EIF3M: variants seen among roughly 807,000 people sequenced by gnomAD.
EIF3M encodes the protein eukaryotic translation initiation factor 3 subunit M.
In EIF3M, 25 loss-of-function variants were observed where a neutral mutation model predicts 49.7. That is an observed-to-expected ratio of 0.50 (90% confidence interval 0.37 to 0.70). The LOEUF (loss-of-function observed/expected upper bound fraction) is 0.70. EIF3M is among the 30% of genes least tolerant of loss of function. The pLI is 0.00. For synonymous variants in EIF3M, 156 were observed against 149.8 expected (o/e 1.04, Z -0.30); for missense variants, 350 against 440.0 (o/e 0.80, Z 1.83).
At chr11:32,592,609 T>C (rs1388063595) in intron 5 of EIF3M, 3 of 528,390 alleles carry the variant, frequency 5.7e-6, no homozygotes, top group East Asian at 9.9e-5. Context: ...AAACCAGAGT[T>C]TGTGGAACAT....
chr11:32,599,421 T>C (rs1366620032), intron 8 of EIF3M, among the ~76,000 whole-genome samples: 1 of 152,010 alleles, frequency 6.6e-6, no homozygotes. Flanking sequence ...GCCTGTATCA[T>C]AATTACAGCT....
intron 10 of EIF3M, 21 bp from the exon 11 acceptor site, chr11:32,602,258 G>GT (rs1855281474): frequency 6.2e-7 from 1 of 1,603,018 alleles, no homozygotes; most frequent in African/African-American, 1.4e-5. Context: ...CTAACACTGT[G>GT]TTTAATTTTT....
rs200129027 is a variant in EIF3M at position 32,583,876 on chromosome 11, C to A, written c.-12C>A. The A allele has an allele frequency of 1.7e-4, 275 of 1,612,724 alleles. No homozygotes were observed. The highest frequency in any genetic ancestry group is 4.8e-4 in the Admixed American group (29 of 59,958). ...TTGCGAGTGGAGTGTCCGCTGTGCC[C>A]GGGCCTGCACCATGAGCGTCCCGGC... On this transcript the variant is annotated 5_prime_UTR_variant, in exon 1 of 11. Coordinates refer to ENST00000531120, the MANE Select transcript of EIF3M (RefSeq NM_006360.6).
chr11:32,599,683 G>T (rs1431073572), intron 8 of EIF3M, among the ~76,000 whole-genome samples: 2 of 151,906 alleles, frequency 1.3e-5, no homozygotes, highest in East Asian at 3.9e-4. Flanking sequence ...TAATTAATAA[G>T]TTAGCATCAA....
rs1277112687 is a variant in EIF3M at position 32,602,293 on chromosome 11, G to A, written c.1019G>A (p.Arg340Gln). 16 of 1,610,454 alleles carry A rather than the reference G, an allele frequency of 9.9e-6. No homozygotes were observed. The highest frequency in any genetic ancestry group is 2.2e-5 in the South Asian group (2 of 90,460). ...TCAATTTTTAGTCATAGCACACATC[G>A]GACATTTGGAAAACAGCAGTGGCAA... is the stretch of plus-strand genomic sequence containing the variant. The part of the protein sequence containing the change: ...RKVVVSHSTH[R>Q]TFGKQQWQQL... Residue 340 changes from arginine (R) to glutamine (Q), a missense_variant, in exon 11 of 11, where the codon CGG becomes CAG. By Grantham distance (43) the Arg-to-Gln change is conservative. Transcript: ENST00000531120.
At chr11:32,584,203 A>G in intron 1 of EIF3M, 2 of 497,966 alleles carry the variant, frequency 4.0e-6, no homozygotes, top group South Asian at 2.7e-5. Context: ...TTTTAGACTG[A>G]TGAGGAATGA....
chr11:32,597,535 C>T lies in EIF3M; in HGVS notation c.799+1488C>T, dbSNP rs191935803. On this transcript the variant is annotated intron_variant, in intron 8 of 10. Coordinates refer to ENST00000531120, the MANE Select transcript of EIF3M (RefSeq NM_006360.6). Reference sequence around the variant, plus strand: ...TTTATCTTTGAATTTTCTTGTCTAGCGTATCAGTTCAGTAAATGTTTGTCA... The same window carrying T: ...TTTATCTTTGAATTTTCTTGTCTAGTGTATCAGTTCAGTAAATGTTTGTCA... 6.6e-5 allele frequency among the ~76,000 whole-genome samples: 10 copies of T among 152,240 alleles called. No homozygotes were observed. The East Asian group carries it at 9.6e-4, about 15-fold the overall frequency.
At chr11:32,601,992 A>C (rs1855275490) in intron 10 of EIF3M, 170 bp downstream of exon 10, 7 of 856,828 alleles carry the variant, frequency 8.2e-6, no homozygotes, top group Non-Finnish European at 1.1e-5. Flanking sequence ...AGCTTATTTA[A>C]TGAAAGAGTC....
chr11:32,599,014 A>G (rs1006025760), intron 8 of EIF3M, among the ~76,000 whole-genome samples: 2 of 152,046 alleles, frequency 1.3e-5, no homozygotes, highest in African/African-American at 4.8e-5. Flanking sequence ...AAACATCTTT[A>G]TATTAATGTG....
rs1855336076 is a variant in EIF3M, at chr11:32,605,394, T to C, written c.*2995T>C. The C allele has an allele frequency of 6.6e-6, 1 of 152,176 alleles. No homozygotes were observed. The highest frequency in any genetic ancestry group is 1.5e-5 in the Non-Finnish European group (1 of 68,030). 9.4% of individuals were successfully genotyped at this position (152,176 alleles called of 1,614,324 possible). A position where few individuals can be genotyped will look rare whatever the true frequency, so the allele number is the denominator to read the frequency against. On this transcript the variant is annotated 3_prime_UTR_variant, in exon 11 of 11. Coordinates refer to ENST00000531120, the MANE Select transcript of EIF3M (RefSeq NM_006360.6). ...TCTGCACAGGACTGCTAAGAGAACC[T>C]AGGCAAGTCATTTAATTTTTCTGGG...
chr11:32,587,824 A>T (rs1855023740), intron 2 of EIF3M, among the ~76,000 whole-genome samples: 1 of 152,216 alleles, frequency 6.6e-6, no homozygotes, highest in African/African-American at 2.4e-5. Flanking sequence ...TTTAGAGATC[A>T]AACTTGGATG....
At chr11:32,596,782 G>T (rs888994985) in intron 8 of EIF3M, among the ~76,000 whole-genome samples, 9 of 152,002 alleles carry the variant, frequency 5.9e-5, no homozygotes, top group Non-Finnish European at 1.2e-4. Context: ...GCACATACCT[G>T]TAGTGCCAAC....
rs1237974937 is a variant in EIF3M, at chr11:32,602,719, T to C, written c.*320T>C. ...AACTTGGAAAAGCAAAGACAAACTG[T>C]AGAGCTTTAAATACAACAGTCATTT... On this transcript the variant is annotated 3_prime_UTR_variant, in exon 11 of 11. Coordinates refer to ENST00000531120, the MANE Select transcript of EIF3M (RefSeq NM_006360.6). 5.5e-5 allele frequency: 57 copies of C among 1,039,912 alleles called. 1 individual carries two copies. The highest frequency in any genetic ancestry group is 4.1e-6 in the Non-Finnish European group (3 of 729,534). 64.4% of individuals were successfully genotyped at this position (1,039,912 alleles called of 1,614,324 possible). A position where few individuals can be genotyped will look rare whatever the true frequency, so the allele number is the denominator to read the frequency against.
At position 32,583,909 on chromosome 11, in the gene EIF3M, G is replaced by C. The variant is rs1161735959; in HGVS notation, c.22G>C (p.Asp8His). The change falls in exon 1 of 11, where the codon GAC becomes CAC. Residue 8 changes from aspartate (D) to histidine (H), a missense_variant. By Grantham distance (81) the Asp-to-His change is moderately conservative (BLOSUM62 -1). Coordinates refer to ENST00000531120, the MANE Select transcript of EIF3M (RefSeq NM_006360.6). Reference sequence around the variant, plus strand: ...CACCATGAGCGTCCCGGCCTTCATCGACATCAGTGAAGAAGATCAGGTGTG... The same window carrying C: ...CACCATGAGCGTCCCGGCCTTCATCCACATCAGTGAAGAAGATCAGGTGTG... MSVPAFI[D>H]ISEEDQAAEL... is the part of the protein sequence containing the mutation. 6.2e-7 allele frequency: 1 copy of C among 1,613,842 alleles called. No individual in the cohort carries two copies. Among genetic ancestry groups the C allele is most frequent in the Non-Finnish European group, 8.5e-7 (1 of 1,179,848 alleles).
chr11:32,591,629 C>T (rs1349234549), intron 5 of EIF3M, among the ~76,000 whole-genome samples: 1 of 152,212 alleles, frequency 6.6e-6, no homozygotes, highest in African/African-American at 2.4e-5. Context: ...CCTGTTTAAG[C>T]TGCAGTAACT....
At chr11:32,590,353 A>G (rs1855081054) in intron 5 of EIF3M, among the ~76,000 whole-genome samples, 1 of 152,178 alleles carries the variant, frequency 6.6e-6, no homozygotes, top group South Asian at 2.1e-4. Context: ...AAAGCTTAAA[A>G]TATTTACTCT....
intron 4 of EIF3M, 117 bp downstream of exon 4, chr11:32,589,252 C>T: frequency 7.0e-7 from 1 of 1,430,082 alleles, no homozygotes; most frequent in East Asian, 2.4e-5. Flanking sequence ...TCTCAGCTCA[C>T]CGCAACCTCC....
intron 1 of EIF3M, among the ~76,000 whole-genome samples, chr11:32,585,637 A>G (rs1031205934): frequency 6.6e-6 from 1 of 152,208 alleles, no homozygotes; most frequent in Non-Finnish European, 1.5e-5. Flanking sequence ...GAGAAGCATG[A>G]AGCATGATTT....
intron 4 of EIF3M, 46 bp from the exon 5 acceptor site, chr11:32,589,501 C>G (rs1009898670): frequency 6.5e-7 from 1 of 1,547,506 alleles, no homozygotes; most frequent in African/African-American, 1.4e-5. Context: ...ATATGTTATA[C>G]TTTATATGTG....
Sources: allele counts gnomAD v4.1 joint callset (sites outside exome capture counted in the v4.1 genomes callset), GRCh38; gene constraint gnomAD v4.1.1; transcripts MANE v1.5; gene names NCBI Gene and HGNC (gene_info 2026-07-23, HGNC 2026-07-21).